NRXN3: variants seen among roughly 807,000 people sequenced by gnomAD.
NRXN3 encodes neurexin 3.
A neutral mutation model predicts 137.6 loss-of-function variants in NRXN3; 32 were observed. That is an observed-to-expected ratio of 0.23 (90% CI 0.18 to 0.31). The LOEUF (loss-of-function observed/expected upper bound fraction) is 0.31. Among genes scored for constraint, NRXN3 ranks in the 10% least tolerant of loss-of-function variants. NRXN3 has a pLI of 1.00. For synonymous variants in NRXN3, 798 were observed against 784.5 expected, an observed-to-expected ratio of 1.02 and a Z score of -0.29; for missense variants, 1,574 against 2,062.5, an observed-to-expected ratio of 0.76 and a Z score of 4.59.
intron 1 of NRXN3, among the ~76,000 whole-genome samples, chr14:78,220,902 C>G (rs2063788011): frequency 6.6e-6 from 1 of 151,928 alleles, no homozygotes; most frequent in Non-Finnish European, 1.5e-5. Context: ...AAAGGAGCCC[C>G]TGTGGCATCT....
intron 16 of NRXN3, among the ~76,000 whole-genome samples, chr14:79,523,273 A>G (rs1179899916): frequency 6.6e-6 from 1 of 152,194 alleles, no homozygotes; most frequent in Non-Finnish European, 1.5e-5. Flanking sequence ...AAATGAAAAT[A>G]TGTTGCATCC....
At chr14:78,426,447 C>A (rs1317660914) in intron 4 of NRXN3, among the ~76,000 whole-genome samples, 2 of 152,162 alleles carry the variant, frequency 1.3e-5, no homozygotes, top group African/African-American at 2.4e-5. Flanking sequence ...CTGGCTGGGG[C>A]CCCTATAACA....
chr14:79,317,113 T>A (rs1313231610), intron 15 of NRXN3, among the ~76,000 whole-genome samples: 1 of 151,972 alleles, frequency 6.6e-6, no homozygotes, highest in East Asian at 1.9e-4. Context: ...GTGCCTGTAA[T>A]CCCAGCTACT....
At chr14:78,188,662 G>A (rs2060450290) in intron 1 of NRXN3, among the ~76,000 whole-genome samples, 2 of 152,162 alleles carry the variant, frequency 1.3e-5, no homozygotes, top group South Asian at 4.1e-4. Flanking sequence ...ATTTCTTAAG[G>A]CCTAAGACAT....
At chr14:79,374,077 A>G (rs1401051375) in intron 15 of NRXN3, among the ~76,000 whole-genome samples, 1 of 152,226 alleles carries the variant, frequency 6.6e-6, no homozygotes, top group African/African-American at 2.4e-5. Context: ...TAAGGTGTCA[A>G]ATAAGTTTGA....
At chr14:79,212,329 T>C (rs1282853227) in intron 15 of NRXN3, among the ~76,000 whole-genome samples, 1 of 152,198 alleles carries the variant, frequency 6.6e-6, no homozygotes, top group East Asian at 1.9e-4. Context: ...GACTGTGAAA[T>C]GATTTATTCC....
At chr14:79,846,823 T>C (rs1458112220) in intron 20 of NRXN3, among the ~76,000 whole-genome samples, 1 of 152,164 alleles carries the variant, frequency 6.6e-6, no homozygotes, top group East Asian at 1.9e-4. Context: ...CCAACTAGAA[T>C]ACTAATAATC....
At chr14:79,251,069 G>A (rs1231252870) in intron 15 of NRXN3, among the ~76,000 whole-genome samples, 1 of 152,140 alleles carries the variant, frequency 6.6e-6, no homozygotes, top group Admixed American at 6.5e-5. Flanking sequence ...TGACATGATA[G>A]GACAGGGCTA....
chr14:79,396,597 G>T (rs2095033302), intron 15 of NRXN3, among the ~76,000 whole-genome samples: 1 of 152,096 alleles, frequency 6.6e-6, no homozygotes, highest in African/African-American at 2.4e-5. Context: ...GGAAGGAAGG[G>T]TACCAGACAA....
chr14:78,237,481 G>A lies in NRXN3; in HGVS notation c.-703-4910G>A, dbSNP rs544746578. 3.3e-5 allele frequency among the ~76,000 whole-genome samples: 5 copies of A among 152,272 alleles called. No individual in the cohort carries two copies. The South Asian group carries it at 1.0e-3, about 32-fold the overall frequency. The stretch of plus-strand genomic sequence containing the variant: ...CAAAATCCTCTCCAATGGTGGAGAT[G>A]GATCATACTCCACCAGTAATGATGG... On this transcript the variant is annotated intron_variant, in intron 1 of 20. Coordinates refer to ENST00000335750, the MANE Select transcript of NRXN3 (RefSeq NM_001330195.2).
chr14:78,974,460 G>A (rs1195077615), intron 14 of NRXN3, among the ~76,000 whole-genome samples: 1 of 152,200 alleles, frequency 6.6e-6, no homozygotes, highest in Admixed American at 6.5e-5. Context: ...AGGAATAATG[G>A]TTTGTAGGGA....
At chr14:78,770,251 A>G (rs1367746506) in intron 8 of NRXN3, among the ~76,000 whole-genome samples, 1 of 152,184 alleles carries the variant, frequency 6.6e-6, no homozygotes, top group Non-Finnish European at 1.5e-5. Flanking sequence ...TGGGTTTAGG[A>G]ACTGAACCCA....
At chr14:79,115,107 C>A (rs2054193433) in intron 15 of NRXN3, among the ~76,000 whole-genome samples, 1 of 152,032 alleles carries the variant, frequency 6.6e-6, no homozygotes, top group East Asian at 1.9e-4. Flanking sequence ...GGGCGAATCA[C>A]CTGAGGTCAG....
intron 10 of NRXN3, among the ~76,000 whole-genome samples, chr14:78,914,588 A>T (rs1363043670): frequency 6.6e-6 from 1 of 152,112 alleles, no homozygotes; most frequent in Non-Finnish European, 1.5e-5. Flanking sequence ...CATTGCAAAC[A>T]GAGGAAGCAG....
At chr14:79,481,152 CT>C (rs1378456801) in intron 16 of NRXN3, among the ~76,000 whole-genome samples, 1 of 152,038 alleles carries the variant, frequency 6.6e-6, no homozygotes, top group Non-Finnish European at 1.5e-5. Context: ...TGGGGGAGTC[CT>C]TAATGGGCAC....
chr14:79,388,234 C>T (rs2094709778), intron 15 of NRXN3, among the ~76,000 whole-genome samples: 2 of 152,062 alleles, frequency 1.3e-5, no homozygotes, highest in Admixed American at 6.6e-5. Context: ...TCCCTGAGGC[C>T]TCTCCAAAAC....
At chr14:79,725,293 G>T (rs762747636) in intron 19 of NRXN3, among the ~76,000 whole-genome samples, 16 of 152,150 alleles carry the variant, frequency 1.1e-4, no homozygotes, top group Admixed American at 2.0e-4. Flanking sequence ...AACAAGAGAA[G>T]GCAAAAGTGG....
intron 8 of NRXN3, among the ~76,000 whole-genome samples, chr14:78,729,070 A>C (rs1047221896): frequency 9.2e-5 from 14 of 152,216 alleles, no homozygotes; most frequent in Admixed American, 7.2e-4. Flanking sequence ...TTGTGTAAAA[A>C]TCTTGGCAAA....
intron 15 of NRXN3, among the ~76,000 whole-genome samples, chr14:79,131,493 G>A (rs2057469044): frequency 6.6e-6 from 1 of 152,180 alleles, no homozygotes; most frequent in Non-Finnish European, 1.5e-5. Context: ...GCTGCTTGGG[G>A]GTCAGGGGTC....
Sources: gnomAD v4.1 joint callset for allele counts (sites outside exome capture counted in the v4.1 genomes callset) on GRCh38, gnomAD v4.1.1 for gene constraint, MANE v1.5 for transcripts, NCBI Gene and HGNC (gene_info 2026-07-23, HGNC 2026-07-21) for gene names.